The following DLGAP2 variants were observed in gnomAD, a reference collection of about 807,000 sequenced individuals.
DLGAP2 encodes disks large-associated protein 2.
Under a neutral mutation model 100.3 loss-of-function variants are expected in DLGAP2, and 26 were observed. That is an observed-to-expected ratio of 0.26 (90% confidence interval 0.19 to 0.36). The LOEUF (loss-of-function observed/expected upper bound fraction) is 0.36, where lower values mean the gene tolerates loss of function less well. Ranked by LOEUF, DLGAP2 falls within the 10% of genes least tolerant of loss-of-function variation. The pLI is 1.00. For synonymous variants in DLGAP2, 886 were observed against 630.1 expected, an observed-to-expected ratio of 1.41 and a Z score of -6.08; for missense variants, 1,858 against 1,453.2, an observed-to-expected ratio of 1.28 and a Z score of -4.53.
chr8:1,367,057 G>A (rs565722342), intron 3 of DLGAP2, among the ~76,000 whole-genome samples: 6 of 152,100 alleles, frequency 3.9e-5, no homozygotes, highest in South Asian at 4.2e-4. Context: ...CACAGACCCC[G>A]GTAAATAACA....
At position 1,603,566 on chromosome 8, in the gene DLGAP2, A is replaced by AGATG. The variant is rs1796698885; in HGVS notation, c.1443-23173_1443-23172insATGG. ...TTCTGCAGAGCTTGGTTAGGGTGGA[A>AGATG]GGTGGGTCTCAGTTCTGCAGAGGCT... On this transcript the variant is annotated intron_variant, in intron 6 of 14. Coordinates refer to ENST00000637795, the MANE Select transcript of DLGAP2 (RefSeq NM_001346810.2). Among the ~76,000 whole-genome samples, 33 of 1,038 alleles carry AGATG rather than the reference A, an allele frequency of 0.032. No individual in the cohort carries two copies. In the South Asian group the frequency reaches 0.35, roughly 11 times the overall value. The allele number at this position is 1,038 out of a possible 152,430, so 0.7% of individuals were successfully genotyped here. A position where few individuals can be genotyped will look rare whatever the true frequency, so the allele number is the denominator to read the frequency against.
intron 1 of DLGAP2, among the ~76,000 whole-genome samples, chr8:769,274 A>G (rs539332719): frequency 1.3e-5 from 2 of 152,112 alleles, no homozygotes; most frequent in Non-Finnish European, 2.9e-5. Flanking sequence ...GGGTCTCAGC[A>G]GGGAAGAAGT....
chr8:1,488,479 G>C (rs1194024995), intron 3 of DLGAP2, among the ~76,000 whole-genome samples: 1 of 152,176 alleles, frequency 6.6e-6, no homozygotes, highest in Non-Finnish European at 1.5e-5. Flanking sequence ...AGGCCAGTCG[G>C]AACGGTGCCT....
rs576083606 is a variant in DLGAP2 at position 1,373,299 on chromosome 8, G to C, written c.106+114416G>C. On this transcript the variant is annotated intron_variant, in intron 3 of 14. Transcript: ENST00000637795. ...GCGGCCCGGAGGGTGTCGGGAGCAG[G>C]GGCCGCGGGCGGCAGCTGACGGGCG... Among the ~76,000 whole-genome samples the C allele has an allele frequency of 2.7e-5, 4 of 146,554 alleles. No individual in the cohort carries two copies. The South Asian group carries it at 8.4e-4, about 31-fold the overall frequency.
At chr8:1,337,202 ATGATG>A (rs1801295988) in intron 3 of DLGAP2, among the ~76,000 whole-genome samples, 2 of 56,334 alleles carry the variant, frequency 3.6e-5, no homozygotes, top group African/African-American at 4.6e-4. Context: ...AATGATGGTG[ATGATG>A]GTGATGATGA....
intron 6 of DLGAP2, among the ~76,000 whole-genome samples, chr8:1,624,603 A>G (rs1477687559): frequency 6.6e-6 from 1 of 151,812 alleles, no homozygotes; most frequent in African/African-American, 2.4e-5. Context: ...GGGTGGTGAC[A>G]GCCAAGGTCA....
chr8:1,025,144 G>T (rs73673050), intron 2 of DLGAP2, among the ~76,000 whole-genome samples: 116 of 151,814 alleles, frequency 7.6e-4, no homozygotes, highest in African/African-American at 2.3e-3. Flanking sequence ...GTGTGTGTGC[G>T]TGTGTGTGTG....
chr8:1,195,575 A>G (rs1042588088), intron 2 of DLGAP2, among the ~76,000 whole-genome samples: 9 of 152,256 alleles, frequency 5.9e-5, no homozygotes, highest in Admixed American at 2.6e-4. Context: ...TTTTAAAAAC[A>G]TATAATTCTT....
intron 2 of DLGAP2, among the ~76,000 whole-genome samples, chr8:1,007,637 G>GA (rs1221871129): frequency 7.6e-6 from 1 of 131,024 alleles, no homozygotes; most frequent in Non-Finnish European, 1.7e-5. Context: ...TTTTTTTTTG[G>GA]GGGGGGGATC....
At chr8:1,270,668 G>C (rs1799563175) in intron 3 of DLGAP2, among the ~76,000 whole-genome samples, 1 of 150,902 alleles carries the variant, frequency 6.6e-6, no homozygotes, top group Non-Finnish European at 1.5e-5. Context: ...GTGTGTCTCT[G>C]TGTGTGTCTC....
intron 4 of DLGAP2, among the ~76,000 whole-genome samples, chr8:1,526,388 G>T (rs1489715984): frequency 6.6e-6 from 1 of 151,938 alleles, no homozygotes; most frequent in African/African-American, 2.4e-5. Flanking sequence ...TCAGAGGGTG[G>T]GAATGCATGT....
chr8:1,107,897 C>A (rs1731722927), intron 2 of DLGAP2, among the ~76,000 whole-genome samples: 3 of 152,152 alleles, frequency 2.0e-5, no homozygotes, highest in Admixed American at 2.0e-4. Flanking sequence ...CGAGAGGGAG[C>A]TCACGAGATG....
Position 1,437,514 on chromosome 8 carries a change from A to G in DLGAP2, c.107-63852A>G, listed in dbSNP as rs137856895. Among the ~76,000 whole-genome samples, 235 of 152,306 alleles carry G rather than the reference A, an allele frequency of 1.5e-3. 1 individual carries two copies. The highest frequency in any genetic ancestry group is 5.4e-3 in the African/African-American group (223 of 41,562). On this transcript the variant is annotated intron_variant, in intron 3 of 14. Transcript: ENST00000637795. ...TCTGAGCAGGTTCTGACATCGACCT[A>G]ACCTCCTGGAACACCTTAGTTCACG...
In DLGAP2 at chr8:1,372,299, C is replaced by T. The variant is rs184407078; in HGVS notation, c.106+113416C>T. ...GGGACGCTGGTCACCGTGCTGCCAACGCTGGGACGCTGGTCACCGTGCTGC... is the reference window on the plus strand; with the variant it reads ...GGGACGCTGGTCACCGTGCTGCCAATGCTGGGACGCTGGTCACCGTGCTGC... On this transcript the variant is annotated intron_variant, in intron 3 of 14. Transcript: ENST00000637795. 2.0e-4 allele frequency among the ~76,000 whole-genome samples: 31 copies of T among 152,244 alleles called. No homozygotes were observed. In the East Asian group the frequency reaches 4.6e-3, roughly 23 times the overall value.
intron 2 of DLGAP2, among the ~76,000 whole-genome samples, chr8:1,073,384 G>A (rs1011054721): frequency 2.5e-4 from 38 of 152,002 alleles, no homozygotes; most frequent in South Asian, 2.1e-4. Flanking sequence ...TAGTCACTCT[G>A]AAATTTTTTT....
intron 3 of DLGAP2, among the ~76,000 whole-genome samples, chr8:1,290,047 C>G (rs932057684): frequency 6.6e-6 from 1 of 152,118 alleles, no homozygotes; most frequent in African/African-American, 2.4e-5. Context: ...TGTTCAGGGT[C>G]CCTGTTGTGT....
chr8:1,119,509 C>G (rs956896212), intron 2 of DLGAP2, among the ~76,000 whole-genome samples: 1 of 152,182 alleles, frequency 6.6e-6, no homozygotes, highest in Non-Finnish European at 1.5e-5. Context: ...GCAGTTCAGC[C>G]CTGCTGCTCT....
At chr8:1,642,255 G>A (rs1356970370) in intron 8 of DLGAP2, among the ~76,000 whole-genome samples, 3 of 76,636 alleles carry the variant, frequency 3.9e-5, no homozygotes, top group East Asian at 5.3e-4. Context: ...CGACCCCGCC[G>A]GCCCTCACCT....
intron 2 of DLGAP2, among the ~76,000 whole-genome samples, chr8:930,733 T>TCCCTTCCC (rs1798937954): frequency 1.3e-5 from 2 of 152,136 alleles, no homozygotes; most frequent in African/African-American, 4.8e-5. Context: ...AGAGACTTCC[T>TCCCTTCCC]CCCGCTGTCT....
Sources: gnomAD v4.1 joint callset for allele counts (sites outside exome capture counted in the v4.1 genomes callset) on GRCh38, gnomAD v4.1.1 for gene constraint, MANE v1.5 for transcripts, NCBI Gene and HGNC (gene_info 2026-07-23, HGNC 2026-07-21) for gene names.